The following PIK3R6 variants were observed in gnomAD, a reference collection of about 807,000 sequenced individuals.
PIK3R6 encodes phosphoinositide-3-kinase regulatory subunit 6, also known as phosphoinositide 3-kinase regulatory subunit 6.
In PIK3R6, 91 loss-of-function variants were observed where a neutral mutation model predicts 84.9. The observed-to-expected ratio is 1.07, with a 90% CI of 0.90 to 1.28. The LOEUF (loss-of-function observed/expected upper bound fraction) is 1.28, where lower values mean the gene tolerates loss of function less well. PIK3R6 is among the 50% of genes most tolerant of loss of function. PIK3R6 has a pLI of 0.00. For synonymous variants in PIK3R6, 416 were observed against 411.4 expected (o/e 1.01, Z -0.13); for missense variants, 996 against 985.1 (o/e 1.01, Z -0.15).
intron 1 of PIK3R6, among the ~76,000 whole-genome samples, chr17:8,859,198 T>C (rs1385777673): frequency 2.0e-5 from 3 of 152,176 alleles, no homozygotes; most frequent in African/African-American, 4.8e-5. Flanking sequence ...GTGGCTGAGG[T>C]TGGTGAGTAA....
intron 18 of PIK3R6, 61 bp downstream of exon 18, chr17:8,819,022 C>G (rs1271435967): frequency 1.6e-5 from 21 of 1,323,338 alleles, no homozygotes; most frequent in Non-Finnish European, 2.2e-5. Context: ...CCTCTGGGCT[C>G]CCAGCCACCT....
At chr17:8,809,539 G>A (rs1333581196) in intron 18 of PIK3R6, among the ~76,000 whole-genome samples, 1 of 152,146 alleles carries the variant, frequency 6.6e-6, no homozygotes, top group African/African-American at 2.4e-5. Context: ...CAGCACTTTG[G>A]GATGCTTGAG....
chr17:8,805,914 T>C (rs938339955), intron 18 of PIK3R6, among the ~76,000 whole-genome samples: 9 of 147,426 alleles, frequency 6.1e-5, no homozygotes, highest in African/African-American at 2.3e-4. Flanking sequence ...TGAGACTCTG[T>C]CTCAAAAAAA....
At chr17:8,817,987 G>T (rs572270490) in intron 18 of PIK3R6, among the ~76,000 whole-genome samples, 2 of 152,046 alleles carry the variant, frequency 1.3e-5, no homozygotes, top group South Asian at 4.2e-4. Context: ...AGGAGCAGTG[G>T]AGAGGAAGAG....
At chr17:8,827,921 A>G (rs942942268) in intron 12 of PIK3R6, among the ~76,000 whole-genome samples, 191 bp downstream of exon 12, 4 of 152,324 alleles carry the variant, frequency 2.6e-5, no homozygotes, top group Non-Finnish European at 4.4e-5. Context: ...ATCTCTGGCC[A>G]CATGCAACCC....
intron 1 of PIK3R6, among the ~76,000 whole-genome samples, chr17:8,855,194 GAAACAAAACAAAACA>G (rs71361831): frequency 4.2e-5 from 6 of 144,566 alleles, no homozygotes; most frequent in Non-Finnish European, 9.0e-5. Flanking sequence ...CTCCATCTCA[GAAACAAAACAAAACA>G]AAACAAAACA....
intron 1 of PIK3R6, 142 bp from the exon 2 acceptor site, chr17:8,850,027 G>C (rs1247796076): frequency 2.4e-6 from 1 of 420,584 alleles, no homozygotes; most frequent in African/African-American, 2.0e-5. Flanking sequence ...CTTATGACTG[G>C]GTGCAGTGGC....
At position 8,828,958 on chromosome 17, in the gene PIK3R6, A is replaced by C. The variant is rs1451135798; in HGVS notation, c.922T>G (p.Ser308Ala). ...AAGTCAGCACTGAGGCGCAGCTGGG[A>C]TCTTGGGCGGAGGAAGAGCACCAGT... is the stretch of plus-strand genomic sequence containing the variant. ...KELVLFLRPR[S>A]QLRLSADLEV... The change falls in exon 11 of 20, where the codon TCC becomes GCC. Residue 308 changes from serine (S) to alanine (A), a missense_variant. Transcript: ENST00000619866. 3 of 1,501,624 alleles carry C rather than the reference A, an allele frequency of 2.0e-6. No homozygotes were observed. The highest frequency in any genetic ancestry group is 2.7e-6 in the Non-Finnish European group (3 of 1,125,244). The allele number at this position is 1,501,624 out of a possible 1,614,324, so 93.0% of individuals were successfully genotyped here.
At chr17:8,835,597 T>C in intron 7 of PIK3R6, 141 bp from the exon 8 acceptor site, 1 of 716,524 alleles carries the variant, frequency 1.4e-6, no homozygotes, top group Non-Finnish European at 2.2e-6. Context: ...TTCAAAAGTC[T>C]CTGGGTGGGA....
At position 8,837,347 on chromosome 17, in the gene PIK3R6, C is replaced by T. The variant is rs1330757034; in HGVS notation, c.259-424G>A. 4.6e-5 allele frequency among the ~76,000 whole-genome samples: 7 copies of T among 152,198 alleles called. No homozygotes were observed. In the East Asian group the frequency reaches 1.4e-3, roughly 29 times the overall value. On this transcript the variant is annotated intron_variant, in intron 5 of 19. Coordinates refer to ENST00000619866, the MANE Select transcript of PIK3R6 (RefSeq NM_001010855.4). ...GTGCCCGGGAGGCCCCCCTCTCCCT[C>T]CCGACCTCAGTGTGCCCTCCGTCTC...
intron 18 of PIK3R6, 103 bp from the exon 19 acceptor site, chr17:8,804,256 A>C: frequency 1.1e-6 from 1 of 935,818 alleles, no homozygotes; most frequent in Non-Finnish European, 1.7e-6. Context: ...AGTCCAGCAC[A>C]TGGGGTCCCC....
chr17:8,828,634 C>A lies in PIK3R6; in HGVS notation c.1246G>T (p.Ala416Ser), dbSNP rs370939093. 6.8e-6 allele frequency: 11 copies of A among 1,613,340 alleles called. No individual in the cohort carries two copies. The highest frequency in any genetic ancestry group is 9.3e-6 in the Non-Finnish European group (11 of 1,179,716). Reference sequence around the variant, plus strand: ...TCATCTCCGAGCACAAGTACCCGGGCTGTGTGCAGCCGGGACACGCCGGGC... The same window carrying A: ...TCATCTCCGAGCACAAGTACCCGGGATGTGTGCAGCCGGGACACGCCGGGC... ...MLPGVSRLHTARVLVLGDDRM... is the reference protein window; with the variant it reads ...MLPGVSRLHTSRVLVLGDDRM... Residue 416 changes from alanine (A) to serine (S), a missense_variant, in exon 11 of 20, where the codon GCC becomes TCC. By Grantham distance (99) the Ala-to-Ser change is moderately conservative. Coordinates refer to ENST00000619866, the MANE Select transcript of PIK3R6 (RefSeq NM_001010855.4).
intron 1 of PIK3R6, among the ~76,000 whole-genome samples, chr17:8,864,577 C>T (rs2089361860): frequency 1.6e-5 from 2 of 123,030 alleles, no homozygotes; most frequent in South Asian, 2.7e-4. Context: ...CTCACTCTGT[C>T]GCCAGACTGG....
intron 5 of PIK3R6, among the ~76,000 whole-genome samples, chr17:8,837,519 T>C (rs541618921): frequency 1.3e-3 from 205 of 152,318 alleles, no homozygotes; most frequent in African/African-American, 4.8e-3. Context: ...ATGAGTATCA[T>C]GTCTCTTCTC....
chr17:8,854,159 A>AT (rs201860283), intron 1 of PIK3R6, among the ~76,000 whole-genome samples: 4,272 of 150,664 alleles, frequency 0.028, 170 homozygotes, highest in African/African-American at 0.097. Flanking sequence ...CTTTATTTTT[A>AT]TTTTTTTTTG....
chr17:8,848,399 G>A (rs12944725), intron 2 of PIK3R6, among the ~76,000 whole-genome samples: 18,505 of 152,064 alleles, frequency 0.12, 1,261 homozygotes, highest in Middle Eastern at 0.18. Flanking sequence ...GATATGTTCC[G>A]AGAAATATGT....
At position 8,835,315 on chromosome 17, in the gene PIK3R6, C is replaced by G. The variant is rs760356459; in HGVS notation, c.603G>C (p.Leu201=). 1.1e-5 allele frequency: 17 copies of G among 1,599,724 alleles called. No homozygotes were observed. Among genetic ancestry groups the G allele is most frequent in the Non-Finnish European group, 1.4e-5 (16 of 1,170,986 alleles). Reference sequence around the variant, plus strand: ...GAGCGCCTGCGTGACAGGCCTCCCCCAGAGCCGCCTGCAGGGCGTGGGAGA... The same window carrying G: ...GAGCGCCTGCGTGACAGGCCTCCCCGAGAGCCGCCTGCAGGGCGTGGGAGA... ...HVVSHALQAA[L]GEACHAGALH... Residue 201 remains leucine, a synonymous_variant, in exon 8 of 20, where the codon CTG becomes CTC. Transcript: ENST00000619866.
Position 8,804,031 on chromosome 17 carries a change from C to T in PIK3R6, c.2108+10G>A, listed in dbSNP as rs1187134021. 6.2e-7 allele frequency: 1 copy of T among 1,611,266 alleles called. No individual in the cohort carries two copies. Among genetic ancestry groups the T allele is most frequent in the Non-Finnish European group, 8.5e-7 (1 of 1,177,488 alleles). ...CCCTGGACATCTAGGGTTGGCAGGC[C>T]CAGCCTCACCTGACCACATCCCTGA... On this transcript the variant is annotated intron_variant, in intron 19 of 19. Coordinates refer to ENST00000619866, the MANE Select transcript of PIK3R6 (RefSeq NM_001010855.4).
chr17:8,832,910 G>GACCCAGC lies in PIK3R6; in HGVS notation c.774_780dup (p.Pro261AlafsTer11), dbSNP rs1180849228. The GACCCAGC allele has an allele frequency of 5.6e-6, 9 of 1,612,694 alleles. No individual in the cohort carries two copies. The highest frequency in any genetic ancestry group is 7.6e-6 in the Non-Finnish European group (9 of 1,179,740). On this transcript the variant is annotated frameshift_variant, in exon 9 of 20. Coordinates refer to ENST00000619866, the MANE Select transcript of PIK3R6 (RefSeq NM_001010855.4). LOFTEE classifies it high-confidence loss of function. ...TTACCACCGCAGCGCCCCGCCGCGGGACCCAGCAGCGAGCAGTAAATCTCC... is the reference window on the plus strand; with the variant it reads ...TTACCACCGCAGCGCCCCGCCGCGGGACCCAGCACCCAGCAGCGAGCAGTAAATCTCC...
Sources: allele counts gnomAD v4.1 joint callset (sites outside exome capture counted in the v4.1 genomes callset), GRCh38; gene constraint gnomAD v4.1.1; transcripts MANE v1.5; gene names NCBI Gene and HGNC (gene_info 2026-07-23, HGNC 2026-07-21).